The following SLC28A3 variants were observed in gnomAD, a reference collection of about 807,000 sequenced individuals.
SLC28A3 encodes the protein concentrative Na(+)-nucleoside cotransporter 3.
In SLC28A3, 68 loss-of-function variants were observed where a neutral mutation model predicts 84.2. The observed-to-expected ratio is 0.81, with a 90% confidence interval of 0.66 to 0.99. The LOEUF (loss-of-function observed/expected upper bound fraction) is 0.99. SLC28A3 is among the 50% of genes least tolerant of loss of function. The pLI is 0.00. For missense variants in SLC28A3, 712 were observed against 841.5 expected, an observed-to-expected ratio of 0.85 and a Z score of 1.90; for synonymous variants, 267 against 303.6, an observed-to-expected ratio of 0.88 and a Z score of 1.25.
At chr9:84,312,570 G>A (rs1051123622) in intron 2 of SLC28A3, among the ~76,000 whole-genome samples, 3 of 131,940 alleles carry the variant, frequency 2.3e-5, no homozygotes, top group South Asian at 2.3e-4. Flanking sequence ...TGAGAATCTC[G>A]CTCTGTCGCC....
At chr9:84,299,920 G>C (rs763440784) in intron 5 of SLC28A3, among the ~76,000 whole-genome samples, 195 bp from the exon 6 acceptor site, 1 of 152,072 alleles carries the variant, frequency 6.6e-6, no homozygotes, top group Non-Finnish European at 1.5e-5. Flanking sequence ...AGCCTCCCCA[G>C]TAGCTGGGAT....
chr9:84,300,044 G>A (rs906298430), intron 5 of SLC28A3, among the ~76,000 whole-genome samples: 6 of 152,062 alleles, frequency 3.9e-5, no homozygotes, highest in Admixed American at 1.3e-4. Context: ...TGCCCGCCTC[G>A]GCCTCCCAAA....
At chr9:84,308,620 C>A (rs1825881745) in intron 3 of SLC28A3, among the ~76,000 whole-genome samples, 2 of 152,158 alleles carry the variant, frequency 1.3e-5, no homozygotes, top group Middle Eastern at 6.8e-3. Flanking sequence ...ACAGAGTAAG[C>A]CCCTGCCTCT....
intron 14 of SLC28A3, among the ~76,000 whole-genome samples, chr9:84,285,070 A>G (rs1824924952): frequency 6.6e-6 from 1 of 152,106 alleles, no homozygotes. Flanking sequence ...AGCTCATGTG[A>G]CTCTGGGTCT....
At chr9:84,314,257 G>T (rs1826091655) in intron 1 of SLC28A3, among the ~76,000 whole-genome samples, 1 of 152,106 alleles carries the variant, frequency 6.6e-6, no homozygotes, top group African/African-American at 2.4e-5. Flanking sequence ...TTAAGGAACT[G>T]AACGAGATTT....
chr9:84,291,153 C>T (rs917909065), intron 10 of SLC28A3, among the ~76,000 whole-genome samples: 6 of 152,048 alleles, frequency 3.9e-5, no homozygotes, highest in African/African-American at 9.7e-5. Context: ...CTCGATTTAC[C>T]GACTAAATAG....
At chr9:84,337,118 A>G (rs1212175362) in intron 1 of SLC28A3, among the ~76,000 whole-genome samples, 3 of 152,206 alleles carry the variant, frequency 2.0e-5, no homozygotes, top group Non-Finnish European at 2.9e-5. Context: ...ATAGCAAGAC[A>G]AAATATAAAA....
intron 4 of SLC28A3, among the ~76,000 whole-genome samples, 159 bp from the exon 5 acceptor site, chr9:84,302,548 G>C (rs1162723343): frequency 6.6e-6 from 1 of 152,032 alleles, no homozygotes; most frequent in Non-Finnish European, 1.5e-5. Context: ...TCTTTGATGG[G>C]GTCTTTTGAT....
intron 8 of SLC28A3, among the ~76,000 whole-genome samples, chr9:84,296,620 G>C (rs1825424547): frequency 6.6e-6 from 1 of 152,248 alleles, no homozygotes; most frequent in Non-Finnish European, 1.5e-5. Context: ...ACTGTGGCCA[G>C]CCATGGGGCC....
the SLC28A3 span, among the ~76,000 whole-genome samples, chr9:84,358,445 G>A: frequency 2.6e-5 from 4 of 151,950 alleles, no homozygotes; most frequent in South Asian, 2.1e-4. Flanking sequence ...TCCATGGTGC[G>A]GGCTGAAGGC....
intron 1 of SLC28A3, among the ~76,000 whole-genome samples, chr9:84,333,215 T>C (rs1451019012): frequency 6.6e-6 from 1 of 152,222 alleles, no homozygotes; most frequent in Non-Finnish European, 1.5e-5. Flanking sequence ...CAATCAGATA[T>C]GCATTTGTAT....
Position 84,297,923 on chromosome 9 carries a change from A to T in SLC28A3, c.766T>A (p.Leu256Met). 6.2e-7 allele frequency: 1 copy of T among 1,603,910 alleles called. No homozygotes were observed. The highest frequency in any genetic ancestry group is 8.5e-7 in the Non-Finnish European group (1 of 1,177,936). Residue 256 changes from leucine (L) to methionine (M), a missense_variant, in exon 7 of 18, where the codon TTG becomes ATG. Coordinates refer to ENST00000376238, the MANE Select transcript of SLC28A3 (RefSeq NM_001199633.2). ...AAACTTACCTGAACTTGTCTGCCCA[A>T]CCAATCAAAAGCTATAAATCCAGGG... ...TDPGFIAFDW[L>M]GRQVQTFLEY...
In SLC28A3 at chr9:84,340,618, T is replaced by C. The variant is rs1827130172; in HGVS notation, c.16A>G (p.Thr6Ala). The change falls in exon 1 of 18, where the codon ACA becomes GCA. Residue 6 changes from threonine (T) to alanine (A), a missense_variant. Physicochemically the swap from Thr to Ala is moderately conservative, Grantham distance 58. Coordinates refer to ENST00000376238, the MANE Select transcript of SLC28A3 (RefSeq NM_001199633.2). ...TAGCCCTCAGCTCTGGGGGCTGCTG[T>C]ACTCCTCAGCTCCATGCTCTTTTTG... MELRS[T>A]AAPRAEGYSN... is the part of the protein sequence containing the mutation. The C allele has an allele frequency of 6.2e-7, 1 of 1,614,206 alleles. No individual in the cohort carries two copies.
Position 84,280,052 on chromosome 9 carries a change from T to G in SLC28A3, c.1751A>C (p.Lys584Thr). Residue 584 changes from lysine to threonine, a missense_variant, in exon 16 of 18, where the codon AAG becomes ACG. Coordinates refer to ENST00000376238, the MANE Select transcript of SLC28A3 (RefSeq NM_001199633.2). ...CACTGCCCCCGAGGCGATATCACGC[T>G]TTCTGGAAGGAGCCATGGATGCTGG... ...GGLTSMAPSR[K>T]RDIASGAVRA... 2.5e-6 allele frequency: 4 copies of G among 1,613,912 alleles called. No homozygotes were observed. Among genetic ancestry groups the G allele is most frequent in the Non-Finnish European group, 3.4e-6 (4 of 1,179,990 alleles).
At chr9:84,280,163 A>G in intron 15 of SLC28A3, 90 bp from the exon 16 acceptor site, 1 of 1,190,092 alleles carries the variant, frequency 8.4e-7, no homozygotes, top group Non-Finnish European at 1.2e-6. Flanking sequence ...GGCTGGGCTC[A>G]GGTCAGCTGA....
At chr9:84,342,027 G>T (rs1242306822), upstream of SLC28A3, among the ~76,000 whole-genome samples, 1 of 151,408 alleles carries the variant, frequency 6.6e-6, no homozygotes, top group Admixed American at 6.6e-5. Context: ...TACTCGGGAG[G>T]CTGAGGCGGG....
intron 10 of SLC28A3, chr9:84,292,463 G>GTCTCTCTCTC: frequency 2.0e-6 from 1 of 500,300 alleles, no homozygotes; most frequent in Non-Finnish European, 3.5e-6. Context: ...CTGTCTCTCT[G>GTCTCTCTCTC]TCTCTCTCTC....
intron 1 of SLC28A3, among the ~76,000 whole-genome samples, chr9:84,315,912 T>C (rs1182495497): frequency 1.3e-5 from 2 of 152,244 alleles, no homozygotes; most frequent in African/African-American, 4.8e-5. Context: ...GACTGCGTTC[T>C]CATGGTAAAA....
intron 6 of SLC28A3, among the ~76,000 whole-genome samples, chr9:84,298,413 G>A (rs376792886): frequency 2.9e-4 from 44 of 152,162 alleles, no homozygotes; most frequent in East Asian, 2.7e-3. Flanking sequence ...CTTGAACACA[G>A]GAGGCAAGGA....
Sources: allele counts gnomAD v4.1 joint callset (sites outside exome capture counted in the v4.1 genomes callset), GRCh38; gene constraint gnomAD v4.1.1; transcripts MANE v1.5; gene names NCBI Gene and HGNC (gene_info 2026-07-23, HGNC 2026-07-21).